Variants in KIF20B observed in about 807,000 individuals in gnomAD.
KIF20B encodes the protein kinesin-like protein KIF20B.
Under a neutral mutation model 232.5 loss-of-function variants are expected in KIF20B, and 188 were observed. That is an observed-to-expected ratio of 0.81 (90% confidence interval 0.72 to 0.91). KIF20B has a LOEUF of 0.91. KIF20B is among the 40% of genes least tolerant of loss of function. The probability of loss-of-function intolerance (pLI) is 0.00; values close to 1 mark genes in which losing one functional copy is unlikely to be tolerated. For missense variants in KIF20B, 2,154 were observed against 2,055.9 expected (o/e 1.05, Z -0.92); for synonymous variants, 712 against 683.0 (o/e 1.04, Z -0.66).
intron 19 of KIF20B, among the ~76,000 whole-genome samples, chr10:89,734,870 G>T (rs1841611377): frequency 6.6e-6 from 1 of 152,184 alleles, no homozygotes; most frequent in African/African-American, 2.4e-5. Context: ...GATATGTTAA[G>T]ATCCCAAAGG....
At chr10:89,771,474 TC>T (rs1010255321) in intron 31 of KIF20B, among the ~76,000 whole-genome samples, 3 of 151,992 alleles carry the variant, frequency 2.0e-5, no homozygotes, top group Non-Finnish European at 4.4e-5. Context: ...AAGCTTCCCT[TC>T]CTACACCAGA....
chr10:89,727,753 T>C, intron 16 of KIF20B, 103 bp from the exon 17 acceptor site: 1 of 1,023,848 alleles, frequency 9.8e-7, no homozygotes, highest in Non-Finnish European at 1.4e-6. Flanking sequence ...TTATTGAATG[T>C]AACAGTAAAG....
intron 6 of KIF20B, among the ~76,000 whole-genome samples, chr10:89,712,225 T>G (rs1234222697): frequency 6.6e-6 from 1 of 152,118 alleles, no homozygotes; most frequent in East Asian, 1.9e-4. Flanking sequence ...GCTTCTCCCC[T>G]GCCCCCATTG....
intron 29 of KIF20B, among the ~76,000 whole-genome samples, chr10:89,768,029 T>C (rs1842398027): frequency 1.3e-5 from 2 of 152,054 alleles, no homozygotes; most frequent in Admixed American, 6.6e-5. Context: ...TTTTAAGGGC[T>C]ATCTATCCTG....
chr10:89,711,373 T>G (rs188804903), intron 6 of KIF20B, among the ~76,000 whole-genome samples: 6 of 152,302 alleles, frequency 3.9e-5, no homozygotes, highest in Admixed American at 3.9e-4. Flanking sequence ...TCTGAAATCT[T>G]TTTTGATTGT....
chr10:89,718,491 A>G (rs1053492614), intron 11 of KIF20B, among the ~76,000 whole-genome samples: 4 of 152,340 alleles, frequency 2.6e-5, no homozygotes, highest in East Asian at 1.9e-4. Context: ...AGTCTGGGCA[A>G]CCGAGCTAGA....
At chr10:89,713,561 T>A (rs546216543) in intron 6 of KIF20B, among the ~76,000 whole-genome samples, 3 of 152,272 alleles carry the variant, frequency 2.0e-5, no homozygotes, top group African/African-American at 4.8e-5. Context: ...CAATTCACTT[T>A]TAGGTGTATA....
chr10:89,737,343 T>C, intron 19 of KIF20B, 44 bp from the exon 20 acceptor site: 1 of 1,428,596 alleles, frequency 7.0e-7, no homozygotes, highest in African/African-American at 1.5e-5. Flanking sequence ...TTTTTGGTTT[T>C]ATTAAGGTTT....
rs535886046 is a variant in KIF20B at position 89,770,746 on chromosome 10, T to C, written c.5242+1858T>C. On this transcript the variant is annotated intron_variant, in intron 31 of 32. Coordinates refer to ENST00000371728, the MANE Select transcript of KIF20B (RefSeq NM_001284259.2). The stretch of plus-strand genomic sequence containing the variant: ...AGAAAAGAAAAAATGGAGATTAATT[T>C]TTAAAATTCTGCTGCTCTGATAACC... Among the ~76,000 whole-genome samples the C allele has an allele frequency of 8.5e-4, 129 of 152,184 alleles. 1 individual carries two copies. Among genetic ancestry groups the C allele is most frequent in the African/African-American group, 3.1e-3 (127 of 41,552 alleles).
chr10:89,739,539 A>C (rs1459735280), intron 21 of KIF20B, among the ~76,000 whole-genome samples: 2 of 75,882 alleles, frequency 2.6e-5, no homozygotes, highest in South Asian at 6.5e-4. Context: ...TGTCAAGTTT[A>C]CCTTCACAGC....
At chr10:89,733,866 C>A (rs920204623) in intron 19 of KIF20B, among the ~76,000 whole-genome samples, 1 of 152,078 alleles carries the variant, frequency 6.6e-6, no homozygotes, top group Admixed American at 6.5e-5. Flanking sequence ...TGAAATTGCA[C>A]AATTACAGCT....
chr10:89,760,480 T>G, intron 27 of KIF20B, 46 bp from the exon 28 acceptor site: 5 of 1,121,320 alleles, frequency 4.5e-6, no homozygotes, highest in Non-Finnish European at 6.7e-6. Flanking sequence ...CTTCAATATA[T>G]TTTCAGGTTA....
chr10:89,746,825 G>A (rs1002262201), intron 23 of KIF20B, among the ~76,000 whole-genome samples: 4 of 77,144 alleles, frequency 5.2e-5, no homozygotes, highest in Non-Finnish European at 7.5e-5. Flanking sequence ...GGGAAGTGAG[G>A]GCAACATAAG....
intron 18 of KIF20B, among the ~76,000 whole-genome samples, chr10:89,729,661 A>G (rs554408793): frequency 6.6e-6 from 1 of 152,282 alleles, no homozygotes; most frequent in African/African-American, 2.4e-5. Flanking sequence ...TTTTTATTAT[A>G]TGTATTGTTG....
Position 89,709,333 on chromosome 10 carries a change from T to C in KIF20B, c.235-12T>C. 1 of 1,601,848 alleles carries C rather than the reference T, an allele frequency of 6.2e-7. No homozygotes were observed. The highest frequency in any genetic ancestry group is 8.5e-7 in the Non-Finnish European group (1 of 1,171,290). ...AATACTAGTTTTTATTTATTGGGGG[T>C]ATGTTTTCTAGGGCTGTGTGCATAT... is the stretch of plus-strand genomic sequence containing the variant. On this transcript the variant is annotated splice_polypyrimidine_tract_variant and intron_variant, in intron 3 of 32. Coordinates refer to ENST00000371728, the MANE Select transcript of KIF20B (RefSeq NM_001284259.2).
intron 27 of KIF20B, among the ~76,000 whole-genome samples, chr10:89,759,236 A>G (rs1842191580): frequency 6.6e-6 from 1 of 152,112 alleles, no homozygotes. Context: ...ACTCTTGGTG[A>G]TTTTGAATAC....
At chr10:89,758,423 T>C (rs887655481) in intron 26 of KIF20B, among the ~76,000 whole-genome samples, 1 of 152,106 alleles carries the variant, frequency 6.6e-6, no homozygotes, top group Admixed American at 6.6e-5. Context: ...GGCAGAAATG[T>C]TGATACTAGT....
At chr10:89,732,283 C>T (rs535922199) in intron 18 of KIF20B, among the ~76,000 whole-genome samples, 1 of 152,150 alleles carries the variant, frequency 6.6e-6, no homozygotes, top group East Asian at 1.9e-4. Flanking sequence ...TGGACCACAA[C>T]ACCTGGAATT....
intron 6 of KIF20B, among the ~76,000 whole-genome samples, chr10:89,713,776 T>TG: frequency 6.6e-6 from 1 of 152,268 alleles, no homozygotes; most frequent in South Asian, 2.1e-4. Context: ...AACATAAGTG[T>TG]GGGGAAAAGA....
Sources: gnomAD v4.1 joint callset for allele counts (sites outside exome capture counted in the v4.1 genomes callset) on GRCh38, gnomAD v4.1.1 for gene constraint, MANE v1.5 for transcripts, NCBI Gene and HGNC (gene_info 2026-07-23, HGNC 2026-07-21) for gene names.